The following RAB17 variants were observed in gnomAD, a reference collection of about 807,000 sequenced individuals.
The protein encoded by RAB17 is ras-related protein Rab-17.
A neutral mutation model predicts 19.3 loss-of-function variants in RAB17; 15 were observed. That is an observed-to-expected ratio of 0.78 (90% confidence interval 0.52 to 1.20). The LOEUF is 1.20. RAB17 is among the 50% of genes most tolerant of loss of function. The pLI is 0.00. For missense variants in RAB17, 262 were observed against 269.3 expected (o/e 0.97, Z 0.19); for synonymous variants, 110 against 112.8 (o/e 0.97, Z 0.16).
intron 2 of RAB17, among the ~76,000 whole-genome samples, chr2:237,581,102 G>C (rs540318661): frequency 2.6e-5 from 4 of 151,936 alleles, no homozygotes; most frequent in African/African-American, 9.7e-5. Context: ...AAAAAATAAA[G>C]TTTTGGCTGG....
At chr2:237,583,795 C>A (rs1048100708) in intron 2 of RAB17, among the ~76,000 whole-genome samples, 1 of 152,154 alleles carries the variant, frequency 6.6e-6, no homozygotes, top group Non-Finnish European at 1.5e-5. Flanking sequence ...AGGAGATAAA[C>A]CCAGGCCTGG....
At chr2:237,576,243 G>A (rs998961789) in intron 4 of RAB17, among the ~76,000 whole-genome samples, 1 of 151,910 alleles carries the variant, frequency 6.6e-6, no homozygotes, top group Non-Finnish European at 1.5e-5. Context: ...GAGATCCCTC[G>A]GCCGGCCCTG....
Position 237,578,165 on chromosome 2 carries a change from G to A in RAB17, c.158-10C>T. ...TTTGTGAAGAACGCACCTGAAACAG[G>A]GAGGCCCAGAGGGCTTACTCAGAGG... On this transcript the variant is annotated splice_polypyrimidine_tract_variant and intron_variant, in intron 2 of 5. Coordinates refer to ENST00000264601, the MANE Select transcript of RAB17 (RefSeq NM_022449.4). 6.8e-6 allele frequency: 11 copies of A among 1,606,226 alleles called. No homozygotes were observed. Among genetic ancestry groups the A allele is most frequent in the Non-Finnish European group, 9.4e-6 (11 of 1,173,814 alleles).
chr2:237,575,675 A>C (rs2081256875), intron 4 of RAB17, 195 bp from the exon 5 acceptor site: 1 of 551,756 alleles, frequency 1.8e-6, no homozygotes, highest in African/African-American at 1.9e-5. Context: ...GCTCCCTGGA[A>C]GAGGCTCTTC....
intron 2 of RAB17, among the ~76,000 whole-genome samples, chr2:237,579,996 A>G (rs1216808635): frequency 6.6e-4 from 101 of 152,192 alleles, no homozygotes; most frequent in Non-Finnish European, 3.1e-4. Flanking sequence ...TCGGGACTGA[A>G]CCGGCTATAA....
rs1011525414 is a variant in RAB17, at chr2:237,577,124, T to C, written c.435+133A>G. ...GTAAATGCATGTGGGCGTGTAGAGG[T>C]GTGTGTGCACATGTGTAAGTGTGTG... is the stretch of plus-strand genomic sequence containing the variant. On this transcript the variant is annotated intron_variant, in intron 4 of 5. Transcript: ENST00000264601. 6.6e-6 allele frequency: 7 copies of C among 1,060,978 alleles called. No individual in the cohort carries two copies. In the Admixed American group the frequency reaches 1.4e-4, roughly 21 times the overall value. The allele number at this position is 1,060,978 out of a possible 1,614,324, so 65.7% of individuals were successfully genotyped here.
chr2:237,581,167 T>A (rs1402229050), intron 2 of RAB17, among the ~76,000 whole-genome samples: 1 of 152,164 alleles, frequency 6.6e-6, no homozygotes, highest in African/African-American at 2.4e-5. Flanking sequence ...GGAGGGAAGA[T>A]CAATCTAGCT....
At chr2:237,587,333 T>C (rs912812767) in intron 1 of RAB17, among the ~76,000 whole-genome samples, 1 of 152,186 alleles carries the variant, frequency 6.6e-6, no homozygotes, top group African/African-American at 2.4e-5. Flanking sequence ...ATGAAACCCA[T>C]CAGGGGCAGC....
chr2:237,585,760 C>T (rs1393384241), intron 2 of RAB17, among the ~76,000 whole-genome samples: 1 of 152,198 alleles, frequency 6.6e-6, no homozygotes, highest in Non-Finnish European at 1.5e-5. Flanking sequence ...TCTCCACCCC[C>T]TGCAGACTCC....
chr2:237,586,684 C>A (rs2081352639), intron 1 of RAB17, among the ~76,000 whole-genome samples: 1 of 152,162 alleles, frequency 6.6e-6, no homozygotes, highest in South Asian at 2.1e-4. Context: ...TCAGAACCCA[C>A]AGTAATATGC....
chr2:237,586,112 TGGGGGCAGCCCTGGGCTGGGG>T lies in RAB17; in HGVS notation c.22_42del (p.Pro8_Pro14del). The T allele has an allele frequency of 6.2e-7, 1 of 1,611,950 alleles. No homozygotes were observed. Among genetic ancestry groups the T allele is most frequent in the Non-Finnish European group, 8.5e-7 (1 of 1,178,960 alleles). ...ACCAGCTTGAACACACGGGGCTGGC[TGGGGGCAGCCCTGGGCTGGGG>T]GGTCCTGTGTGCCTGTGCCATGCCC... is the stretch of plus-strand genomic sequence containing the variant. On this transcript the variant is annotated inframe_deletion, in exon 2 of 6. Coordinates refer to ENST00000264601, the MANE Select transcript of RAB17 (RefSeq NM_022449.4).
rs568869514 is a variant in RAB17 at position 237,580,358 on chromosome 2, G to A, written c.158-2203C>T. Among the ~76,000 whole-genome samples the A allele has an allele frequency of 2.6e-5, 4 of 152,292 alleles. No homozygotes were observed. The South Asian group carries it at 8.3e-4, about 32-fold the overall frequency. ...GAATTTGGTTTTATCTTAAAAGCTG[G>A]CGCAGGGTGAAACGTGAGCATAAAA... On this transcript the variant is annotated intron_variant, in intron 2 of 5. Transcript: ENST00000264601.
At chr2:237,576,794 A>G in intron 4 of RAB17, 1 of 463,636 alleles carries the variant, frequency 2.2e-6, no homozygotes, top group Non-Finnish European at 4.5e-6. Context: ...ACTCGAGTGA[A>G]GGAGGCTACA....
chr2:237,580,556 T>TG (rs1396173216), intron 2 of RAB17, among the ~76,000 whole-genome samples: 1 of 152,068 alleles, frequency 6.6e-6, no homozygotes, highest in Non-Finnish European at 1.5e-5. Flanking sequence ...CTGACCAACA[T>TG]GGTGAAACCC....
At position 237,585,993 on chromosome 2, in the gene RAB17, C is replaced by T; in HGVS notation, c.157+5G>A. On this transcript the variant is annotated splice_donor_5th_base_variant and intron_variant, in intron 2 of 5. Transcript: ENST00000264601. ...CCAACAAAGGGGTGCTCTGCCCTCA[C>T]TTACAGCCCACCGTAGGCAGGATAC... 1 of 1,599,050 alleles carries T rather than the reference C, an allele frequency of 6.3e-7. No individual in the cohort carries two copies. The highest frequency in any genetic ancestry group is 2.3e-5 in the East Asian group (1 of 44,424).
Position 237,587,844 on chromosome 2 carries a change from AAAG to A in RAB17, c.-3-1690_-3-1688del, listed in dbSNP as rs1365378853. Among the ~76,000 whole-genome samples the A allele has an allele frequency of 1.7e-4, 20 of 119,784 alleles. 1 individual carries two copies. Among genetic ancestry groups the A allele is most frequent in the South Asian group, 5.4e-4 (2 of 3,730 alleles). 78.6% of individuals were successfully genotyped at this position (119,784 alleles called of 152,430 possible). A position where few individuals can be genotyped will look rare whatever the true frequency, so the allele number is the denominator to read the frequency against. On this transcript the variant is annotated intron_variant, in intron 1 of 5. Transcript: ENST00000264601. ...CATCTGTGTTTCTTAAAAAAAAAAA[AAAG>A]AAAAGAAAAAGAAAGAAAAAGAAAA...
rs866206566 is a variant in RAB17 at position 237,574,555 on chromosome 2, G to A, written c.*464C>T. On this transcript the variant is annotated 3_prime_UTR_variant, in exon 6 of 6. Coordinates refer to ENST00000264601, the MANE Select transcript of RAB17 (RefSeq NM_022449.4). Reference sequence around the variant, plus strand: ...TGGGCCCACCCCACAGTCAGTCATCGCTCCATTTCTTCCTGGCACCACCAC... The same window carrying A: ...TGGGCCCACCCCACAGTCAGTCATCACTCCATTTCTTCCTGGCACCACCAC... The A allele has an allele frequency of 3.2e-5, 50 of 1,549,870 alleles. No homozygotes were observed. The African/African-American group carries it at 3.4e-4, about 11-fold the overall frequency.
intron 1 of RAB17, among the ~76,000 whole-genome samples, chr2:237,588,813 C>G (rs2081370263): frequency 6.6e-6 from 1 of 152,174 alleles, no homozygotes; most frequent in Non-Finnish European, 1.5e-5. Context: ...AATCTGTAGC[C>G]CGAAACATGT....
chr2:237,578,472 T>A (rs1436963165), intron 2 of RAB17: 2 of 221,380 alleles, frequency 9.0e-6, no homozygotes, highest in East Asian at 1.9e-4. Flanking sequence ...TTACTGGGAG[T>A]CCGATGCATC....
Sources: allele counts gnomAD v4.1 joint callset (sites outside exome capture counted in the v4.1 genomes callset), GRCh38; gene constraint gnomAD v4.1.1; transcripts MANE v1.5; gene names NCBI Gene and HGNC (gene_info 2026-07-23, HGNC 2026-07-21).